BBX: variants seen among roughly 807,000 people sequenced by gnomAD.
BBX encodes HMG box transcription factor BBX.
BBX carries 30 observed loss-of-function variants against 100.2 expected under a neutral mutation model. That is an observed-to-expected ratio of 0.30 (90% CI 0.22 to 0.41). BBX has a LOEUF of 0.41. Among genes scored for constraint, BBX ranks in the 10% least tolerant of loss-of-function variants. The pLI is 1.00. For synonymous variants in BBX, 376 were observed against 388.1 expected (o/e 0.97, Z 0.37); for missense variants, 1,023 against 1,129.8 (o/e 0.91, Z 1.35).
At chr3:107,662,299 G>C (rs547982856) in intron 3 of BBX, among the ~76,000 whole-genome samples, 113 of 152,232 alleles carry the variant, frequency 7.4e-4, no homozygotes, top group Non-Finnish European at 1.4e-3. Context: ...AGTAATTTCT[G>C]TGGGGCTTGG....
At chr3:107,616,465 G>C (rs1256793898) in intron 2 of BBX, among the ~76,000 whole-genome samples, 8 of 152,038 alleles carry the variant, frequency 5.3e-5, no homozygotes, top group Non-Finnish European at 1.5e-5. Context: ...ACTTCCAAAT[G>C]GTTTTCCAGA....
intron 2 of BBX, among the ~76,000 whole-genome samples, chr3:107,542,200 G>A (rs1180512835): frequency 1.3e-5 from 2 of 152,090 alleles, no homozygotes; most frequent in Non-Finnish European, 2.9e-5. Flanking sequence ...AAAAGGTCTA[G>A]TCATTATTAT....
At chr3:107,611,198 G>A (rs1329699868) in intron 2 of BBX, among the ~76,000 whole-genome samples, 1 of 152,072 alleles carries the variant, frequency 6.6e-6, no homozygotes, top group Non-Finnish European at 1.5e-5. Context: ...ATTGTACGAT[G>A]CATGTCTTGA....
chr3:107,617,130 G>A (rs1021827342), intron 2 of BBX, among the ~76,000 whole-genome samples: 2 of 152,144 alleles, frequency 1.3e-5, no homozygotes, highest in Non-Finnish European at 2.9e-5. Context: ...CTGTAGCACA[G>A]TTTGTGTGAA....
At chr3:107,708,618 G>A (rs1010525272) in intron 3 of BBX, among the ~76,000 whole-genome samples, 4 of 147,004 alleles carry the variant, frequency 2.7e-5, no homozygotes, top group Non-Finnish European at 1.5e-5. Flanking sequence ...AGGTTGCAGT[G>A]AGCTGAGATC....
intron 5 of BBX, among the ~76,000 whole-genome samples, chr3:107,723,873 G>A (rs138674049): frequency 7.8e-4 from 118 of 152,240 alleles, no homozygotes; most frequent in African/African-American, 2.7e-3. Context: ...ATAAACATAT[G>A]TGTGCATGTG....
intron 3 of BBX, among the ~76,000 whole-genome samples, chr3:107,708,032 A>T (rs2061488222): frequency 6.6e-6 from 1 of 152,106 alleles, no homozygotes; most frequent in Non-Finnish European, 1.5e-5. Context: ...TTTAACTACC[A>T]CTCAAGCAAC....
At chr3:107,692,469 T>C (rs2060246363) in intron 3 of BBX, among the ~76,000 whole-genome samples, 1 of 152,080 alleles carries the variant, frequency 6.6e-6, no homozygotes, top group Non-Finnish European at 1.5e-5. Flanking sequence ...CTTGCAATAG[T>C]TTGCTAAGAA....
intron 2 of BBX, among the ~76,000 whole-genome samples, chr3:107,571,145 G>T (rs1364379355): frequency 2.0e-5 from 3 of 152,094 alleles, no homozygotes; most frequent in Non-Finnish European, 2.9e-5. Context: ...AGGGTGGAAG[G>T]TTGCCCATAG....
chr3:107,644,456 GCTT>G (rs1438986083), intron 2 of BBX, among the ~76,000 whole-genome samples: 7 of 152,030 alleles, frequency 4.6e-5, no homozygotes, highest in Non-Finnish European at 5.9e-5. Context: ...AATATTTAAT[GCTT>G]CTTCTGTATA....
Position 107,773,305 on chromosome 3 carries a change from G to C in BBX, c.1584G>C (p.Lys528Asn), listed in dbSNP as rs2067051801. The change falls in exon 11 of 18, where the codon AAG (lysine) becomes AAC (asparagine). Residue 528 changes from lysine (K) to asparagine (N), a missense_variant. Transcript: ENST00000325805. This position sits in a 1 kb window ranked among gnomAD's most constrained non-coding sequence, Gnocchi z 4.1. Reference sequence around the variant, plus strand: ...GCATTTTGGATGCCAAGCCACCAAAGAAAAAAGTGAAATCAAGAGAGAAGA... The same window carrying C: ...GCATTTTGGATGCCAAGCCACCAAACAAAAAAGTGAAATCAAGAGAGAAGA... ...KGSILDAKPP[K>N]KKVKSREKKM... The C allele has an allele frequency of 4.3e-6, 7 of 1,613,984 alleles. No individual in the cohort carries two copies. Among genetic ancestry groups the C allele is most frequent in the Non-Finnish European group, 5.9e-6 (7 of 1,179,968 alleles).
At chr3:107,776,598 G>A (rs1333303992) in intron 12 of BBX, among the ~76,000 whole-genome samples, 1 of 152,058 alleles carries the variant, frequency 6.6e-6, no homozygotes, top group African/African-American at 2.4e-5. Context: ...TTGTAGATGA[G>A]CATTTTAAAC....
intron 2 of BBX, among the ~76,000 whole-genome samples, chr3:107,531,859 T>G (rs2048182991): frequency 6.6e-6 from 1 of 152,178 alleles, no homozygotes. Context: ...GCACAGGGCA[T>G]TCTCTCTGGT....
intron 3 of BBX, among the ~76,000 whole-genome samples, chr3:107,664,181 T>C (rs1477894997): frequency 6.6e-6 from 1 of 152,224 alleles, no homozygotes; most frequent in Non-Finnish European, 1.5e-5. Flanking sequence ...TTGAGTCCTG[T>C]ATATGCCCTC....
At chr3:107,729,060 C>A in intron 6 of BBX, 100 bp downstream of exon 6, 1 of 1,223,392 alleles carries the variant, frequency 8.2e-7, no homozygotes, top group Non-Finnish European at 1.2e-6. Context: ...AAATTTATAA[C>A]CAATATTAAG....
chr3:107,643,239 CT>C (rs2057324523), intron 2 of BBX, among the ~76,000 whole-genome samples: 1 of 152,164 alleles, frequency 6.6e-6, no homozygotes, highest in South Asian at 2.1e-4. Flanking sequence ...AAGCCAGTTG[CT>C]TCAGCGTGTG....
chr3:107,687,333 TC>T (rs1393839747), intron 3 of BBX, among the ~76,000 whole-genome samples: 2 of 118,986 alleles, frequency 1.7e-5, no homozygotes, highest in African/African-American at 7.9e-5. Flanking sequence ...CAGTTAAGTT[TC>T]TTTTTTTTTT....
intron 2 of BBX, chr3:107,526,705 A>G (rs2107281569): frequency 5.3e-6 from 1 of 190,440 alleles, no homozygotes; most frequent in South Asian, 1.9e-4. Flanking sequence ...GGTCTAGTAA[A>G]TTTAATGCTA....
intron 3 of BBX, among the ~76,000 whole-genome samples, chr3:107,693,679 C>T (rs1479630428): frequency 5.9e-5 from 9 of 151,772 alleles, no homozygotes; most frequent in Non-Finnish European, 1.0e-4. Context: ...CTTGGCGATG[C>T]GGGCTCTTTT....
Sources: gnomAD v4.1 joint callset for allele counts (sites outside exome capture counted in the v4.1 genomes callset) on GRCh38, gnomAD v4.1.1 for gene constraint, Gnocchi (gnomAD v3.1) non-coding constraint, MANE v1.5 for transcripts, NCBI Gene and HGNC (gene_info 2026-07-23, HGNC 2026-07-21) for gene names.